NDUFS4: variants seen among roughly 807,000 people sequenced by gnomAD.
NDUFS4 encodes NADH dehydrogenase [ubiquinone] iron-sulfur protein 4, mitochondrial.
In NDUFS4, 28 loss-of-function variants were observed where a neutral mutation model predicts 24.3. The ratio of observed to expected loss-of-function variants is 1.15; its 90% CI spans 0.85 to 1.58. The LOEUF is 1.58. NDUFS4 is among the 40% of genes most tolerant of loss of function. NDUFS4 has a pLI of 0.00. For missense variants in NDUFS4, 223 were observed against 207.9 expected, an observed-to-expected ratio of 1.07 and a Z score of -0.45; for synonymous variants, 93 against 69.7, an observed-to-expected ratio of 1.34 and a Z score of -1.67.
chr5:53,626,482 T>G (rs1374613687), intron 2 of NDUFS4, among the ~76,000 whole-genome samples: 2 of 152,234 alleles, frequency 1.3e-5, no homozygotes, highest in South Asian at 4.1e-4. Context: ...GTTGAACTAC[T>G]TTACACTTCC....
At chr5:53,576,620 A>G (rs538706560) in intron 1 of NDUFS4, among the ~76,000 whole-genome samples, 5 of 149,014 alleles carry the variant, frequency 3.4e-5, no homozygotes, top group South Asian at 2.1e-4. Context: ...TAAACACACT[A>G]AGGGTTTACA....
chr5:53,560,678 A>G lies in NDUFS4; in HGVS notation c.16A>G (p.Met6Val), dbSNP rs759267388. 2 of 1,614,122 alleles carry G rather than the reference A, an allele frequency of 1.2e-6. No homozygotes were observed. The highest frequency in any genetic ancestry group is 1.3e-5 in the African/African-American group (1 of 74,946). Residue 6 changes from methionine to valine, a missense_variant, in exon 1 of 5, where the codon ATG becomes GTG. Physicochemically the swap from Met to Val is conservative, Grantham distance 21. Coordinates refer to ENST00000296684, the MANE Select transcript of NDUFS4 (RefSeq NM_002495.4). Reference sequence around the variant, plus strand: ...CTGCAGCAAGATGGCGGCGGTGTCAATGTCAGTGGTACTGAGGCAGACGTT... The same window carrying G: ...CTGCAGCAAGATGGCGGCGGTGTCAGTGTCAGTGGTACTGAGGCAGACGTT... The part of the protein sequence containing the change: MAAVS[M>V]SVVLRQTLWR...
chr5:53,621,430 T>C (rs2112478439), intron 2 of NDUFS4, among the ~76,000 whole-genome samples: 1 of 152,208 alleles, frequency 6.6e-6, no homozygotes, highest in Admixed American at 6.5e-5. Context: ...ATTGATATAA[T>C]TGGGTTTACA....
chr5:53,662,315 G>A (rs978743627), intron 4 of NDUFS4, among the ~76,000 whole-genome samples: 1 of 152,078 alleles, frequency 6.6e-6, no homozygotes, highest in Non-Finnish European at 1.5e-5. Flanking sequence ...TGTGTATGTT[G>A]AACCAGCCTT....
At chr5:53,600,593 G>A (rs1456706260) in intron 1 of NDUFS4, among the ~76,000 whole-genome samples, 1 of 152,236 alleles carries the variant, frequency 6.6e-6, no homozygotes, top group Non-Finnish European at 1.5e-5. Context: ...ACAGGCGTGA[G>A]CCACTGCGCC....
Position 53,670,606 on chromosome 5 carries a change from TA to T in NDUFS4, c.424+11983del, listed in dbSNP as rs946840472. On this transcript the variant is annotated intron_variant, in intron 4 of 4. Coordinates refer to ENST00000296684, the MANE Select transcript of NDUFS4 (RefSeq NM_002495.4). ...TGAACAGCACTGATATATTTGGCAA[TA>T]TACAGGGTATACATTATATATATAT... Among the ~76,000 whole-genome samples, 42 of 149,904 alleles carry T rather than the reference TA, an allele frequency of 2.8e-4. 1 individual carries two copies. Among genetic ancestry groups the T allele is most frequent in the Non-Finnish European group, 1.2e-4 (8 of 67,500 alleles).
intron 3 of NDUFS4, among the ~76,000 whole-genome samples, chr5:53,653,858 T>A (rs930780107): frequency 1.3e-5 from 2 of 152,190 alleles, no homozygotes; most frequent in Admixed American, 1.3e-4. Flanking sequence ...AGATGAAGTT[T>A]CTTCATTACA....
chr5:53,658,229 A>G (rs1458964332), intron 3 of NDUFS4, among the ~76,000 whole-genome samples: 1 of 152,164 alleles, frequency 6.6e-6, no homozygotes, highest in East Asian at 1.9e-4. Context: ...TTGATAGTAA[A>G]TTTTAATTTC....
chr5:53,631,793 G>T (rs1333702778), intron 2 of NDUFS4, among the ~76,000 whole-genome samples: 2 of 152,212 alleles, frequency 1.3e-5, no homozygotes. Context: ...TCAAGCCAAT[G>T]GATCTTAGCT....
chr5:53,561,730 T>C (rs1748852708), intron 1 of NDUFS4, among the ~76,000 whole-genome samples: 1 of 152,114 alleles, frequency 6.6e-6, no homozygotes, highest in African/African-American at 2.4e-5. Context: ...GATTTAGTGT[T>C]AAATATAAAT....
intron 1 of NDUFS4, among the ~76,000 whole-genome samples, chr5:53,563,236 CAAAAAAAAA>C (rs906204561): frequency 1.9e-5 from 2 of 105,050 alleles, no homozygotes; most frequent in Non-Finnish European, 3.7e-5. Context: ...CTCAAAAAAA[CAAAAAAAAA>C]AAAAAAAAAG....
At chr5:53,641,237 C>G (rs1201622776) in intron 2 of NDUFS4, among the ~76,000 whole-genome samples, 1 of 152,116 alleles carries the variant, frequency 6.6e-6, no homozygotes, top group Non-Finnish European at 1.5e-5. Context: ...AAGTTGAGAA[C>G]TGGGATTCCA....
chr5:53,679,643 C>A (rs1006761214), intron 4 of NDUFS4, among the ~76,000 whole-genome samples: 1 of 152,096 alleles, frequency 6.6e-6, no homozygotes, highest in Non-Finnish European at 1.5e-5. Context: ...TTCTACCTGG[C>A]GGCTGAAAGG....
chr5:53,647,695 C>T (rs1380689350), intron 3 of NDUFS4, among the ~76,000 whole-genome samples: 1 of 152,068 alleles, frequency 6.6e-6, no homozygotes, highest in Non-Finnish European at 1.5e-5. Flanking sequence ...AATTGTCATT[C>T]GTATTGAAAC....
At chr5:53,621,858 T>C (rs367588022) in intron 2 of NDUFS4, among the ~76,000 whole-genome samples, 1 of 151,482 alleles carries the variant, frequency 6.6e-6, no homozygotes, top group East Asian at 1.9e-4. Flanking sequence ...TGCGCCACCA[T>C]GCCCGGCTAA....
At chr5:53,661,942 A>G (rs1285046393) in intron 4 of NDUFS4, among the ~76,000 whole-genome samples, 1 of 137,880 alleles carries the variant, frequency 7.3e-6, no homozygotes, top group African/African-American at 3.2e-5. Flanking sequence ...TCATCTGCAA[A>G]CAGGGACAAT....
rs1205665092 is a variant in NDUFS4 at position 53,683,302 on chromosome 5, C to T, written c.*81C>T. ...TATAGTCCATGTATAATAAATACAT[C>T]TCTTAATCTCCTAATAAATTGGACC... On this transcript the variant is annotated 3_prime_UTR_variant, in exon 5 of 5. Transcript: ENST00000296684. The T allele has an allele frequency of 1.5e-5, 15 of 975,910 alleles. No individual in the cohort carries two copies. The highest frequency in any genetic ancestry group is 2.6e-5 in the South Asian group (2 of 76,468). 60.5% of individuals were successfully genotyped at this position (975,910 alleles called of 1,614,324 possible). A position where few individuals can be genotyped will look rare whatever the true frequency, so the allele number is the denominator to read the frequency against.
intron 2 of NDUFS4, chr5:53,604,773 G>A (rs1319353934): frequency 2.0e-5 from 9 of 456,112 alleles, no homozygotes; most frequent in Admixed American, 1.2e-4. Context: ...GCCACACCAA[G>A]CCTGGAACTT....
intron 4 of NDUFS4, among the ~76,000 whole-genome samples, chr5:53,671,111 G>C (rs1740212675): frequency 6.6e-6 from 1 of 151,900 alleles, no homozygotes. Flanking sequence ...TATACCTATA[G>C]TATCTCTATA....
Sources: gnomAD v4.1 joint callset for allele counts (sites outside exome capture counted in the v4.1 genomes callset) on GRCh38, gnomAD v4.1.1 for gene constraint, MANE v1.5 for transcripts, NCBI Gene and HGNC (gene_info 2026-07-23, HGNC 2026-07-21) for gene names.